Variants in SLC17A8 observed in about 807,000 individuals in gnomAD.
SLC17A8 encodes the protein vesicular glutamate transporter 3.
A neutral mutation model predicts 58.0 loss-of-function variants in SLC17A8; 31 were observed. The observed-to-expected ratio is 0.53, with a 90% CI of 0.40 to 0.72. The LOEUF (loss-of-function observed/expected upper bound fraction) is 0.72, where lower values mean the gene tolerates loss of function less well. Among genes scored for constraint, SLC17A8 ranks in the 30% least tolerant of loss-of-function variants. The pLI, the probability that SLC17A8 is intolerant of heterozygous loss-of-function variation, is 0.00. For missense variants in SLC17A8, 655 were observed against 727.8 expected, an observed-to-expected ratio of 0.90 and a Z score of 1.15; for synonymous variants, 228 against 249.0, an observed-to-expected ratio of 0.92 and a Z score of 0.79.
intron 9 of SLC17A8, among the ~76,000 whole-genome samples, chr12:100,408,777 A>C (rs773028619): frequency 1.3e-5 from 2 of 152,224 alleles, no homozygotes; most frequent in Non-Finnish European, 2.9e-5. Context: ...AAATAAAAGA[A>C]GTTTCAGCCA....
At chr12:100,399,587 A>G (rs4764976) in intron 5 of SLC17A8, among the ~76,000 whole-genome samples, 148,496 of 151,632 alleles carry the variant, frequency 0.98, 72,724 homozygotes, top group East Asian at 1. Flanking sequence ...ATGGTGGCAG[A>G]AGAGAGAGAG....
At chr12:100,386,600 G>C (rs976366618) in intron 2 of SLC17A8, among the ~76,000 whole-genome samples, 1 of 151,812 alleles carries the variant, frequency 6.6e-6, no homozygotes, top group Non-Finnish European at 1.5e-5. Flanking sequence ...TGAGTGTAAT[G>C]TCCTCCAGGT....
chr12:100,402,448 T>A lies in SLC17A8; in HGVS notation c.872T>A (p.Ile291Lys). The A allele has an allele frequency of 5.6e-6, 9 of 1,614,082 alleles. No individual in the cohort carries two copies. The highest frequency in any genetic ancestry group is 7.6e-6 in the Non-Finnish European group (9 of 1,180,004). The change falls in exon 7 of 12, where the codon ATA (isoleucine) becomes AAA (lysine). Residue 291 changes from isoleucine to lysine, a missense_variant. Physicochemically the swap from Ile to Lys is moderately radical, Grantham distance 102 (BLOSUM62 -3). Transcript: ENST00000323346. Reference sequence around the variant, plus strand: ...GAGAAGACCTATATAGAGACAAGCATAGGAGAGGGGGCCAACGTGGTTAGT... The same window carrying A: ...GAGAAGACCTATATAGAGACAAGCAAAGGAGAGGGGGCCAACGTGGTTAGT... ...NEEKTYIETSIGEGANVVSLS... is the reference protein window; with the variant it reads ...NEEKTYIETSKGEGANVVSLS...
intron 2 of SLC17A8, among the ~76,000 whole-genome samples, chr12:100,385,061 A>G (rs1014212701): frequency 1.3e-5 from 2 of 151,066 alleles, no homozygotes; most frequent in Non-Finnish European, 2.9e-5. Flanking sequence ...TCAAGAGTGC[A>G]CTATTGTCTA....
chr12:100,371,518 G>A (rs1477425733), intron 1 of SLC17A8, among the ~76,000 whole-genome samples: 2 of 152,260 alleles, frequency 1.3e-5, no homozygotes, highest in Admixed American at 6.5e-5. Flanking sequence ...AGCTGCAGCT[G>A]GATGATCCTT....
chr12:100,393,341 C>T (rs915749145), intron 3 of SLC17A8, 28 bp from the exon 4 acceptor site: 5 of 1,518,198 alleles, frequency 3.3e-6, no homozygotes, highest in East Asian at 2.3e-5. Context: ...GCAGACCTGC[C>T]GAATAACACA....
intron 9 of SLC17A8, among the ~76,000 whole-genome samples, chr12:100,409,278 C>T (rs541958793): frequency 1.1e-4 from 17 of 152,188 alleles, no homozygotes; most frequent in South Asian, 2.1e-4. Flanking sequence ...CTCCACCTCC[C>T]GGTTTCAAGT....
chr12:100,380,371 G>A (rs986183832), intron 1 of SLC17A8, among the ~76,000 whole-genome samples: 1 of 151,932 alleles, frequency 6.6e-6, no homozygotes, highest in Non-Finnish European at 1.5e-5. Context: ...AAATGACTTA[G>A]TTTCCTCATC....
intron 3 of SLC17A8, among the ~76,000 whole-genome samples, chr12:100,392,865 A>C (rs1281750100): frequency 2.0e-5 from 3 of 152,166 alleles, no homozygotes; most frequent in African/African-American, 7.2e-5. Flanking sequence ...AACCTCAAAC[A>C]TACAGTAACA....
In SLC17A8 at chr12:100,396,435, G is replaced by C. The variant is rs372770376; in HGVS notation, c.676+18G>C. The C allele has an allele frequency of 6.2e-7, 1 of 1,605,598 alleles. No homozygotes were observed. Among genetic ancestry groups the C allele is most frequent in the Admixed American group, 1.7e-5 (1 of 59,940 alleles). On this transcript the variant is annotated intron_variant, in intron 5 of 11. Coordinates refer to ENST00000323346, the MANE Select transcript of SLC17A8 (RefSeq NM_139319.3). ...TTTTTGTGGTGGGTATATTAGAATC[G>C]TAACAAATTTTATTTATGAATGCTT...
intron 2 of SLC17A8, among the ~76,000 whole-genome samples, chr12:100,381,392 A>AG (rs1314928462): frequency 2.6e-5 from 4 of 151,934 alleles, no homozygotes; most frequent in Non-Finnish European, 4.4e-5. Flanking sequence ...TTGAGGGGGT[A>AG]GGTGCCACGT....
At chr12:100,412,672 C>A (rs2136014639) in intron 9 of SLC17A8, 98 bp from the exon 10 acceptor site, 2 of 761,838 alleles carry the variant, frequency 2.6e-6, no homozygotes, top group Non-Finnish European at 4.7e-6. Flanking sequence ...AAACTTAGGT[C>A]TGTGGAATTA....
intron 4 of SLC17A8, among the ~76,000 whole-genome samples, chr12:100,393,859 G>A (rs1320737155): frequency 6.6e-6 from 1 of 152,166 alleles, no homozygotes; most frequent in Non-Finnish European, 1.5e-5. Flanking sequence ...GTAGTCTGAT[G>A]CAGAGATTTA....
At chr12:100,385,842 G>A (rs1042249023) in intron 2 of SLC17A8, among the ~76,000 whole-genome samples, 7 of 152,112 alleles carry the variant, frequency 4.6e-5, no homozygotes, top group Non-Finnish European at 7.4e-5. Flanking sequence ...TGTGGAGACC[G>A]GAAGTCTAAA....
chr12:100,412,988 T>G, intron 10 of SLC17A8, 108 bp downstream of exon 10: 2 of 881,126 alleles, frequency 2.3e-6, no homozygotes, highest in Non-Finnish European at 3.8e-6. Context: ...CAGTCCATTC[T>G]CAGAGAGCAG....
rs181422975 is a variant in SLC17A8 at position 100,419,005 on chromosome 12, C to G, written c.1426-810C>G. Among the ~76,000 whole-genome samples the G allele has an allele frequency of 2.5e-3, 380 of 152,282 alleles. 2 individuals are homozygous for G. Among genetic ancestry groups the G allele is most frequent in the African/African-American group, 8.6e-3 (358 of 41,550 alleles). ...CTTCCCCCAACCTTAGACACAAATT[C>G]CCATTATTTTTTGACATACTTTTTT... On this transcript the variant is annotated intron_variant, in intron 11 of 11. Transcript: ENST00000323346.
intron 10 of SLC17A8, among the ~76,000 whole-genome samples, chr12:100,415,931 C>T (rs1952903588): frequency 6.6e-6 from 1 of 152,130 alleles, no homozygotes; most frequent in South Asian, 2.1e-4. Flanking sequence ...GGCAATAATT[C>T]CTCAGAATCT....
At chr12:100,372,210 TA>T (rs1377149236) in intron 1 of SLC17A8, among the ~76,000 whole-genome samples, 1 of 152,186 alleles carries the variant, frequency 6.6e-6, no homozygotes, top group Non-Finnish European at 1.5e-5. Context: ...TTCTGGAAGC[TA>T]GAAGTCCAAG....
At chr12:100,376,991 G>T (rs1952599131) in intron 1 of SLC17A8, among the ~76,000 whole-genome samples, 2 of 152,066 alleles carry the variant, frequency 1.3e-5, no homozygotes, top group Non-Finnish European at 2.9e-5. Flanking sequence ...TGCATTTTTA[G>T]TAGAGACGGG....
Sources: allele counts gnomAD v4.1 joint callset (sites outside exome capture counted in the v4.1 genomes callset), GRCh38; gene constraint gnomAD v4.1.1; transcripts MANE v1.5; gene names NCBI Gene and HGNC (gene_info 2026-07-23, HGNC 2026-07-21).